Variants in DSG1 observed in about 807,000 individuals in gnomAD.
DSG1 encodes desmoglein 1.
In DSG1, 39 loss-of-function variants were observed where a neutral mutation model predicts 97.5. The ratio of observed to expected loss-of-function variants is 0.40; its 90% confidence interval spans 0.31 to 0.52. The LOEUF is 0.52. Among genes scored for constraint, DSG1 ranks in the 20% least tolerant of loss-of-function variants. The probability of loss-of-function intolerance (pLI) is 0.53; values close to 1 mark genes in which losing one functional copy is unlikely to be tolerated. For missense variants in DSG1, 1,311 were observed against 1,295.4 expected, an observed-to-expected ratio of 1.01 and a Z score of -0.18; for synonymous variants, 475 against 443.4, an observed-to-expected ratio of 1.07 and a Z score of -0.90.
rs77469118 is a variant in DSG1, at chr18:31,333,009, A to G, written c.685-580A>G. On this transcript the variant is annotated intron_variant, in intron 6 of 14. Transcript: ENST00000257192. The stretch of plus-strand genomic sequence containing the variant: ...ACCTGGGGTCAATGGAGAGACCTCA[A>G]GATGTCTCTATAAAACCCCCTAAAT... Among the ~76,000 whole-genome samples the G allele has an allele frequency of 6.6e-3, 999 of 152,314 alleles. 7 individuals carry two copies. Among genetic ancestry groups the G allele is most frequent in the African/African-American group, 0.023 (957 of 41,570 alleles).
At chr18:31,346,292 T>C (rs1309230800) in intron 14 of DSG1, 94 bp downstream of exon 14, 7 of 1,020,834 alleles carry the variant, frequency 6.9e-6, no homozygotes, top group Non-Finnish European at 9.3e-6. Context: ...TTGGCAGGAG[T>C]CTCCTAACTA....
At chr18:31,329,743 TC>T (rs1011390044) in intron 4 of DSG1, 148 bp from the exon 5 acceptor site, 77 of 916,262 alleles carry the variant, frequency 8.4e-5, no homozygotes, top group Non-Finnish European at 1.2e-4. Flanking sequence ...ACATTTGCTT[TC>T]CCTTAGTGAC....
At chr18:31,330,102 G>T in intron 5 of DSG1, 66 bp downstream of exon 5, 1 of 1,550,844 alleles carries the variant, frequency 6.4e-7, no homozygotes, top group Non-Finnish European at 8.9e-7. Context: ...ACTAAACTAT[G>T]TCAAAGTACA....
intron 14 of DSG1, 57 bp from the exon 15 acceptor site, chr18:31,354,240 C>A: frequency 6.8e-7 from 1 of 1,460,238 alleles, no homozygotes; most frequent in Non-Finnish European, 9.6e-7. Context: ...AAAGGCTGTT[C>A]TATTATTGTT....
At chr18:31,342,252 C>T (rs1011430112) in intron 11 of DSG1, among the ~76,000 whole-genome samples, 1 of 151,946 alleles carries the variant, frequency 6.6e-6, no homozygotes, top group African/African-American at 2.4e-5. Context: ...TTTTACATTG[C>T]GGACTACCTC....
In DSG1 at chr18:31,358,046, A is replaced by G. The variant is rs1321428233; in HGVS notation, c.*2700A>G. On this transcript the variant is annotated 3_prime_UTR_variant, in exon 15 of 15. Coordinates refer to ENST00000257192, the MANE Select transcript of DSG1 (RefSeq NM_001942.4). ...ACATCATGTCATAGACCAAGAAGAG[A>G]TATGGAAATTATTTTATAAGTGAAT... Among the ~76,000 whole-genome samples the G allele has an allele frequency of 6.6e-6, 1 of 151,992 alleles. No individual in the cohort carries two copies. Among genetic ancestry groups the G allele is most frequent in the Non-Finnish European group, 1.5e-5 (1 of 67,878 alleles).
intron 14 of DSG1, among the ~76,000 whole-genome samples, chr18:31,351,078 T>A (rs1263642586): frequency 6.7e-6 from 1 of 149,156 alleles, no homozygotes. Flanking sequence ...CAATTTGGGA[T>A]CTTTCCTGCT....
rs2071768788 is a variant in DSG1 at position 31,338,448 on chromosome 18, A to G, written c.1399A>G (p.Ile467Val). 4 of 1,613,012 alleles carry G rather than the reference A, an allele frequency of 2.5e-6. No individual in the cohort carries two copies. The highest frequency in any genetic ancestry group is 1.1e-5 in the South Asian group (1 of 91,058). Reference sequence around the variant, plus strand: ...AAAATACCAAGGAACGATTCTCTCTATAGATGGTAAGAAATTAATTTACAT... The same window carrying G: ...AAAATACCAAGGAACGATTCTCTCTGTAGATGGTAAGAAATTAATTTACAT... ...GGKYQGTILS[I>V]DDNLQRTCTG... The change falls in exon 10 of 15, where the codon ATA becomes GTA. Residue 467 changes from isoleucine (I) to valine (V), a missense_variant. By Grantham distance (29) the Ile-to-Val change is conservative. Around this residue, in one of 3 missense-constraint regions of DSG1, gnomAD observed 1,038 missense variants for 964.6 expected, o/e 1.08. Transcript: ENST00000257192.
intron 9 of DSG1, among the ~76,000 whole-genome samples, chr18:31,336,987 A>G (rs2071759566): frequency 6.6e-6 from 1 of 152,224 alleles, no homozygotes; most frequent in South Asian, 2.1e-4. Flanking sequence ...AATCAATTAG[A>G]TTTTATTAGC....
intron 14 of DSG1, among the ~76,000 whole-genome samples, chr18:31,353,715 T>G (rs1254224583): frequency 2.0e-5 from 3 of 151,854 alleles, no homozygotes; most frequent in East Asian, 1.9e-4. Context: ...AGTATTCGGG[T>G]GGGAGTGACC....
At chr18:31,331,960 G>A in intron 6 of DSG1, 93 bp downstream of exon 6, 1 of 1,276,616 alleles carries the variant, frequency 7.8e-7, no homozygotes, top group Non-Finnish European at 1.1e-6. Context: ...AGAAAATGAT[G>A]GTTTAAATTT....
chr18:31,336,271 T>C (rs1175370914), intron 8 of DSG1, 83 bp from the exon 9 acceptor site: 1 of 1,231,990 alleles, frequency 8.1e-7, no homozygotes, highest in Admixed American at 2.3e-5. Context: ...TAATAAGTTT[T>C]TTTTGCTATT....
chr18:31,350,752 G>A (rs915048827), intron 14 of DSG1, among the ~76,000 whole-genome samples: 5 of 150,996 alleles, frequency 3.3e-5, no homozygotes, highest in Non-Finnish European at 5.9e-5. Context: ...TAGTTTATTT[G>A]CGTAGAGGTG....
rs777264346 is a variant in DSG1 at position 31,326,981 on chromosome 18, C to T, written c.192C>T (p.Asn64=). 13 of 1,613,694 alleles carry T rather than the reference C, an allele frequency of 8.1e-6. No homozygotes were observed. Among genetic ancestry groups the T allele is most frequent in the Admixed American group, 6.7e-5 (4 of 59,986 alleles). Residue 64 remains asparagine, a synonymous_variant, in exon 3 of 15, where the codon AAC becomes AAT. Coordinates refer to ENST00000257192, the MANE Select transcript of DSG1 (RefSeq NM_001942.4). ...CAGCCTGTCGTGAAGGTGAAGACAA[C>T]TCAAAGAGGAACCCAATCGCCAAAG... ...FAAACREGED[N]SKRNPIAKIH...
intron 1 of DSG1, among the ~76,000 whole-genome samples, chr18:31,323,032 T>A (rs1598696160): frequency 6.6e-6 from 1 of 152,266 alleles, no homozygotes; most frequent in African/African-American, 2.4e-5. Flanking sequence ...GTATTTCAGG[T>A]GAATTATTTA....
At position 31,333,656 on chromosome 18, in the gene DSG1, C is replaced by G; in HGVS notation, c.752C>G (p.Ala251Gly). 6.2e-7 allele frequency: 1 copy of G among 1,613,734 alleles called. No homozygotes were observed. The highest frequency in any genetic ancestry group is 8.5e-7 in the Non-Finnish European group (1 of 1,179,764). The change falls in exon 7 of 15, where the codon GCG becomes GGG. Residue 251 changes from alanine (A) to glycine (G), a missense_variant. Around this residue, in one of 3 missense-constraint regions of DSG1, gnomAD observed 14 missense variants for 26.7 expected, o/e 0.52. Coordinates refer to ENST00000257192, the MANE Select transcript of DSG1 (RefSeq NM_001942.4). ...GATGGCGGGGCAGATGGCATGTCAG[C>G]GGAATGTGAGTGCAACATTAAAATC... ...DRDGGADGMS[A>G]ECECNIKILD...
At position 31,327,050 on chromosome 18, in the gene DSG1, A is replaced by G. The variant is rs564755431; in HGVS notation, c.216+45A>G. 21 of 1,610,546 alleles carry G rather than the reference A, an allele frequency of 1.3e-5. No individual in the cohort carries two copies. In the South Asian group the frequency reaches 1.8e-4, roughly 13 times the overall value. Reference sequence around the variant, plus strand: ...CATAACATTGAAAATCAGAATGGATAAAGTTTCAAAAGAAACTGTCTGCTA... The same window carrying G: ...CATAACATTGAAAATCAGAATGGATGAAGTTTCAAAAGAAACTGTCTGCTA... On this transcript the variant is annotated intron_variant, in intron 3 of 14. Transcript: ENST00000257192.
chr18:31,335,475 C>T (rs1415189755), intron 8 of DSG1, among the ~76,000 whole-genome samples: 2 of 151,610 alleles, frequency 1.3e-5, no homozygotes, highest in African/African-American at 4.8e-5. Flanking sequence ...AATTGTTTGC[C>T]CAGACATATC....
chr18:31,336,202 A>T, intron 8 of DSG1, 152 bp from the exon 9 acceptor site: 1 of 657,266 alleles, frequency 1.5e-6, no homozygotes, highest in Non-Finnish European at 2.5e-6. Flanking sequence ...TCAATTAAAG[A>T]TTAAAAATTT....
Sources: gnomAD v4.1 joint callset for allele counts (sites outside exome capture counted in the v4.1 genomes callset) on GRCh38, gnomAD v4.1.1 for gene constraint, gnomAD v4.1.1 regional missense constraint, MANE v1.5 for transcripts, NCBI Gene and HGNC (gene_info 2026-07-23, HGNC 2026-07-21) for gene names.